Variants in CTIF observed in about 807,000 individuals in gnomAD.
The protein encoded by CTIF is cap binding complex dependent translation initiation factor, also known as CBP80/20-dependent translation initiation factor.
CTIF carries 21 observed loss-of-function variants against 66.0 expected under a neutral mutation model. That is an observed-to-expected ratio of 0.32 (90% CI 0.23 to 0.46). The LOEUF (loss-of-function observed/expected upper bound fraction) is 0.46, where lower values mean the gene tolerates loss of function less well. Ranked by LOEUF, CTIF falls within the 20% of genes least tolerant of loss-of-function variation. The pLI is 1.00. For synonymous variants in CTIF, 345 were observed against 326.4 expected, an observed-to-expected ratio of 1.06 and a Z score of -0.62; for missense variants, 739 against 812.7, an observed-to-expected ratio of 0.91 and a Z score of 1.10.
intron 6 of CTIF, among the ~76,000 whole-genome samples, chr18:48,678,370 G>C (rs556734091): frequency 3.9e-4 from 59 of 152,202 alleles, no homozygotes; most frequent in Non-Finnish European, 6.2e-4. Flanking sequence ...AGCCATCAAG[G>C]AGGGGGTCTT....
At chr18:48,562,384 A>G (rs2143482731) in intron 1 of CTIF, among the ~76,000 whole-genome samples, 1 of 152,356 alleles carries the variant, frequency 6.6e-6, no homozygotes, top group Non-Finnish European at 1.5e-5. Flanking sequence ...GTCCTGCTCT[A>G]GAGTTTGCCT....
chr18:48,573,935 G>C (rs2143694606), intron 1 of CTIF, among the ~76,000 whole-genome samples: 1 of 152,356 alleles, frequency 6.6e-6, no homozygotes, highest in South Asian at 2.1e-4. Context: ...GGTGGCTGGT[G>C]TCATTACCCA....
chr18:48,631,568 A>G (rs2090713765), intron 2 of CTIF, among the ~76,000 whole-genome samples: 1 of 152,234 alleles, frequency 6.6e-6, no homozygotes, highest in Non-Finnish European at 1.5e-5. Context: ...ATGGACTGAT[A>G]ACAGAGAATA....
chr18:48,654,244 AT>A (rs2091206885), intron 3 of CTIF, among the ~76,000 whole-genome samples: 1 of 152,236 alleles, frequency 6.6e-6, no homozygotes, highest in South Asian at 2.1e-4. Context: ...AAGGGCTAAT[AT>A]TCAGAATCTA....
intron 9 of CTIF, among the ~76,000 whole-genome samples, chr18:48,809,549 T>A (rs2068219071): frequency 6.6e-6 from 1 of 151,978 alleles, no homozygotes; most frequent in African/African-American, 2.4e-5. Flanking sequence ...CTTACTATCA[T>A]GAGATTTTGT....
intron 6 of CTIF, among the ~76,000 whole-genome samples, chr18:48,693,603 G>A (rs1239417018): frequency 1.3e-5 from 2 of 152,092 alleles, no homozygotes; most frequent in Admixed American, 6.5e-5. Flanking sequence ...GAGAGTGTGA[G>A]AAGGCTGGGT....
chr18:48,664,519 C>T lies in CTIF; in HGVS notation c.399C>T (p.Pro133=), dbSNP rs1377217265. ...TQFHRKVRHT[P]KQPLPHIDRE... is the part of the protein sequence containing the mutation. ...TCCACCGCAAAGTCCGACACACGCC[C>T]AAGCAGCCCCTGCCACACATCGACC... Residue 133 remains proline (P), a synonymous_variant, in exon 5 of 12, where the codon CCC becomes CCT. Transcript: ENST00000256413. 2 of 1,613,052 alleles carry T rather than the reference C, an allele frequency of 1.2e-6. No individual in the cohort carries two copies. Among genetic ancestry groups the T allele is most frequent in the South Asian group, 2.2e-5 (2 of 91,086 alleles).
chr18:48,853,160 G>C (rs2069246294), intron 10 of CTIF, among the ~76,000 whole-genome samples: 1 of 152,198 alleles, frequency 6.6e-6, no homozygotes, highest in South Asian at 2.1e-4. Context: ...ATGTTGGGGA[G>C]AGCAGTGGAC....
chr18:48,809,183 C>T (rs1211467573), intron 9 of CTIF, among the ~76,000 whole-genome samples: 1 of 152,128 alleles, frequency 6.6e-6, no homozygotes, highest in African/African-American at 2.4e-5. Context: ...TTAATTCTGT[C>T]ATAAAAGAAA....
At chr18:48,843,287 T>C (rs2068990684) in intron 10 of CTIF, among the ~76,000 whole-genome samples, 1 of 152,110 alleles carries the variant, frequency 6.6e-6, no homozygotes, top group Non-Finnish European at 1.5e-5. Context: ...ACTGCTCTTC[T>C]ACCCTTCTCT....
chr18:48,730,714 C>CGGTGTGAGGAGCCCCTGT (rs1356347997), intron 7 of CTIF, among the ~76,000 whole-genome samples: 1 of 89,982 alleles, frequency 1.1e-5, no homozygotes, highest in African/African-American at 4.2e-5. Context: ...GGGGCTTCCG[C>CGGTGTGAGGAGCCCCTGT]GGTGTGAGGG....
At chr18:48,814,838 T>A (rs891969771) in intron 9 of CTIF, among the ~76,000 whole-genome samples, 3 of 152,206 alleles carry the variant, frequency 2.0e-5, no homozygotes, top group African/African-American at 7.2e-5. Flanking sequence ...CTGGAGTCTC[T>A]TGTGGTCCCT....
chr18:48,549,460 G>A (rs930977597), intron 1 of CTIF, among the ~76,000 whole-genome samples: 9 of 152,194 alleles, frequency 5.9e-5, no homozygotes, highest in Non-Finnish European at 1.3e-4. Flanking sequence ...AAGTCTAAAG[G>A]TAGGAGCTCT....
intron 5 of CTIF, among the ~76,000 whole-genome samples, chr18:48,664,970 A>G (rs1215856343): frequency 7.2e-6 from 1 of 138,582 alleles, no homozygotes; most frequent in Non-Finnish European, 1.5e-5. Context: ...TGCGGACTGC[A>G]GTGGCGCAAT....
At chr18:48,734,647 TC>T (rs2092484265) in intron 7 of CTIF, among the ~76,000 whole-genome samples, 2 of 152,200 alleles carry the variant, frequency 1.3e-5, no homozygotes, top group African/African-American at 4.8e-5. Flanking sequence ...ACGGCAACAT[TC>T]TGGGAGAGAA....
intron 2 of CTIF, among the ~76,000 whole-genome samples, chr18:48,629,821 G>A (rs1483808549): frequency 1.3e-5 from 2 of 152,126 alleles, no homozygotes; most frequent in Non-Finnish European, 2.9e-5. Context: ...CTCCATGTTT[G>A]CTAATTAGAG....
chr18:48,728,578 A>T (rs1265204298), intron 7 of CTIF, among the ~76,000 whole-genome samples: 1 of 152,092 alleles, frequency 6.6e-6, no homozygotes, highest in Non-Finnish European at 1.5e-5. Context: ...CTTGACTCAG[A>T]TGGGACTGGA....
chr18:48,805,261 C>A (rs1034925055), intron 9 of CTIF, among the ~76,000 whole-genome samples: 2 of 152,204 alleles, frequency 1.3e-5, no homozygotes, highest in African/African-American at 2.4e-5. Flanking sequence ...AGGCTCCTGT[C>A]CTGGGCTCCT....
At chr18:48,825,209 C>A (rs1158522277) in intron 10 of CTIF, among the ~76,000 whole-genome samples, 1 of 152,136 alleles carries the variant, frequency 6.6e-6, no homozygotes, top group East Asian at 1.9e-4. Context: ...ACCTCTCCCT[C>A]TGGTTGCCCC....
Sources: gnomAD v4.1 joint callset for allele counts (sites outside exome capture counted in the v4.1 genomes callset) on GRCh38, gnomAD v4.1.1 for gene constraint, MANE v1.5 for transcripts, NCBI Gene and HGNC (gene_info 2026-07-23, HGNC 2026-07-21) for gene names.